Variants in PDZD2 observed in about 807,000 individuals in gnomAD.
PDZD2 encodes the protein PDZ domain-containing protein 2.
PDZD2 carries 90 observed loss-of-function variants against 220.7 expected under a neutral mutation model. That is an observed-to-expected ratio of 0.41 (90% confidence interval 0.34 to 0.49). The LOEUF is 0.49. PDZD2 is among the 20% of genes least tolerant of loss of function. PDZD2 has a pLI of 0.28. For missense variants in PDZD2, 3,174 were observed against 3,608.5 expected (o/e 0.88, Z 3.08); for synonymous variants, 1,375 against 1,450.5 (o/e 0.95, Z 1.18).
At chr5:31,918,299 G>A (rs1743864338) in intron 2 of PDZD2, among the ~76,000 whole-genome samples, 1 of 152,214 alleles carries the variant, frequency 6.6e-6, no homozygotes, top group African/African-American at 2.4e-5. Flanking sequence ...GTCCCTTGGG[G>A]AAAGGAAAGG....
intron 2 of PDZD2, among the ~76,000 whole-genome samples, chr5:31,896,264 G>T (rs1741543124): frequency 6.6e-6 from 1 of 151,606 alleles, no homozygotes; most frequent in Non-Finnish European, 1.5e-5. Context: ...GTAACTGCTG[G>T]CAGAGTTAGC....
chr5:31,753,508 A>G (rs544161), intron 1 of PDZD2, among the ~76,000 whole-genome samples: 106,404 of 152,106 alleles, frequency 0.7, 37,869 homozygotes, highest in East Asian at 0.95. Context: ...GCTGAGGCAC[A>G]AGAATTGCTT....
chr5:31,748,141 C>T (rs1480795483), intron 1 of PDZD2: 1 of 152,202 alleles, frequency 6.6e-6, no homozygotes, highest in African/African-American at 2.4e-5. Flanking sequence ...GTTGGCCTTG[C>T]TCAGACAAGC....
chr5:31,994,325 T>A (rs1751467528), intron 3 of PDZD2, among the ~76,000 whole-genome samples: 2 of 151,524 alleles, frequency 1.3e-5, no homozygotes, highest in South Asian at 4.2e-4. Context: ...TGTTTTTTTT[T>A]TAAAGATTTT....
chr5:31,826,479 C>T (rs1357153494), intron 2 of PDZD2, among the ~76,000 whole-genome samples: 2 of 151,986 alleles, frequency 1.3e-5, no homozygotes, highest in African/African-American at 4.8e-5. Flanking sequence ...TCAAGACCAG[C>T]CTGACCAACA....
chr5:31,904,495 G>T (rs1742441445), intron 2 of PDZD2, among the ~76,000 whole-genome samples: 2 of 152,120 alleles, frequency 1.3e-5, no homozygotes, highest in Non-Finnish European at 2.9e-5. Flanking sequence ...GAAAACTTGA[G>T]TCACTGGAAA....
rs1312149361 is a variant in PDZD2, at chr5:31,718,590, C to G, written c.-361+79153C>G. On this transcript the variant is annotated intron_variant, in intron 1 of 24. Transcript: ENST00000438447. ...GCAGATGGCCACCTTCTTGCTGTGT[C>G]TGCTTCTGTGCTTACGCATCCCTGG... is the stretch of plus-strand genomic sequence containing the variant. 2.4e-4 allele frequency among the ~76,000 whole-genome samples: 37 copies of G among 152,148 alleles called. 1 individual carries two copies. Among genetic ancestry groups the G allele is most frequent in the Admixed American group, 2.4e-3 (37 of 15,272 alleles).
intron 2 of PDZD2, among the ~76,000 whole-genome samples, chr5:31,952,733 G>A (rs1023994590): frequency 1.3e-5 from 2 of 152,144 alleles, no homozygotes; most frequent in African/African-American, 4.8e-5. Flanking sequence ...ATATAAAAGA[G>A]GGGAAAGTGA....
At chr5:32,030,408 C>T (rs576007088) in intron 6 of PDZD2, among the ~76,000 whole-genome samples, 1 of 152,290 alleles carries the variant, frequency 6.6e-6, no homozygotes, top group African/African-American at 2.4e-5. Context: ...CCAGGGATCA[C>T]GTGGCATTGC....
intron 1 of PDZD2, among the ~76,000 whole-genome samples, chr5:31,702,399 G>A (rs1249855744): frequency 1.3e-5 from 2 of 152,116 alleles, no homozygotes; most frequent in African/African-American, 2.4e-5. Flanking sequence ...CCCTACCTTC[G>A]GCCTTGGACC....
At chr5:32,059,480 G>A (rs182654670) in intron 13 of PDZD2, 124 bp downstream of exon 13, 57 of 487,330 alleles carry the variant, frequency 1.2e-4, no homozygotes, top group Middle Eastern at 8.6e-4. Flanking sequence ...TTCCAAGAAC[G>A]TAGCCAAGAC....
intron 2 of PDZD2, among the ~76,000 whole-genome samples, chr5:31,835,819 A>G (rs967429648): frequency 6.6e-6 from 1 of 152,138 alleles, no homozygotes; most frequent in African/African-American, 2.4e-5. Flanking sequence ...CTAGCACAGC[A>G]CCTAACACCT....
intron 2 of PDZD2, among the ~76,000 whole-genome samples, chr5:31,868,874 C>T (rs1043347441): frequency 2.0e-5 from 3 of 152,142 alleles, no homozygotes; most frequent in Admixed American, 6.5e-5. Context: ...CGGGTTCAAG[C>T]AGATTTTCCT....
chr5:32,053,029 T>C (rs1191896306), intron 9 of PDZD2, among the ~76,000 whole-genome samples: 1 of 152,194 alleles, frequency 6.6e-6, no homozygotes, highest in East Asian at 1.9e-4. Context: ...AAATGAAAAG[T>C]AACAGGTATA....
At chr5:32,066,897 C>T (rs1377927421) in intron 14 of PDZD2, among the ~76,000 whole-genome samples, 1 of 152,152 alleles carries the variant, frequency 6.6e-6, no homozygotes, top group East Asian at 1.9e-4. Flanking sequence ...ATAAAATGGT[C>T]GTCTGTGATA....
At chr5:31,969,432 C>T (rs1229482079) in intron 2 of PDZD2, among the ~76,000 whole-genome samples, 1 of 139,906 alleles carries the variant, frequency 7.1e-6, no homozygotes, top group East Asian at 2.1e-4. Context: ...TGGCTTGAGC[C>T]TGGGAGGCAG....
intron 3 of PDZD2, among the ~76,000 whole-genome samples, chr5:31,993,165 G>T (rs898625013): frequency 1.3e-4 from 20 of 152,300 alleles, no homozygotes; most frequent in Non-Finnish European, 2.5e-4. Flanking sequence ...GTGTTCCAGA[G>T]GTCAGAGGCA....
chr5:31,778,768 G>A (rs1580738480), intron 1 of PDZD2, among the ~76,000 whole-genome samples: 1 of 152,162 alleles, frequency 6.6e-6, no homozygotes, highest in Non-Finnish European at 1.5e-5. Flanking sequence ...ACAGGTGTGA[G>A]CCACCGCACC....
Position 31,639,140 on chromosome 5 carries a change from C to T in PDZD2, c.-658C>T, listed in dbSNP as rs887345581. On this transcript the variant is annotated 5_prime_UTR_variant, in exon 1 of 25. Coordinates refer to ENST00000438447, the MANE Select transcript of PDZD2 (RefSeq NM_178140.4). The surrounding 1 kb of genome is among the most constrained non-coding windows in gnomAD (Gnocchi z 4.1). ...ATCCCCGCCCATCCTGGAGGCTCGG[C>T]GGATCCCCTGCGCAGCGAGGCGAGG... Among the ~76,000 whole-genome samples the T allele has an allele frequency of 2.0e-5, 3 of 152,088 alleles. No homozygotes were observed. The East Asian group carries it at 5.8e-4, about 29-fold the overall frequency.
Sources: allele counts gnomAD v4.1 joint callset (sites outside exome capture counted in the v4.1 genomes callset), GRCh38; gene constraint gnomAD v4.1.1; non-coding constraint Gnocchi (gnomAD v3.1); transcripts MANE v1.5; gene names NCBI Gene and HGNC (gene_info 2026-07-23, HGNC 2026-07-21).